The following OR2L13 variants were observed in gnomAD, a reference collection of about 807,000 sequenced individuals.
The protein encoded by OR2L13 is olfactory receptor family 2 subfamily L member 13, also known as olfactory receptor 2L13.
In OR2L13, 14 loss-of-function variants were observed where a neutral mutation model predicts 15.3. The observed-to-expected ratio is 0.91, with a 90% CI of 0.60 to 1.43. The LOEUF (loss-of-function observed/expected upper bound fraction) is 1.43. Ranked by LOEUF, OR2L13 falls within the 40% of genes most tolerant of loss-of-function variation. OR2L13 has a pLI of 0.00. For synonymous variants in OR2L13, 152 were observed against 142.9 expected (o/e 1.06, Z -0.45); for missense variants, 367 against 387.9 (o/e 0.95, Z 0.45).
chr1:247,943,931 C>T, the OR2L13 span, among the ~76,000 whole-genome samples: 3 of 152,078 alleles, frequency 2.0e-5, no homozygotes, highest in Admixed American at 6.6e-5. Flanking sequence ...CACCATTTAT[C>T]GAAAAGACTG....
the OR2L13 span, among the ~76,000 whole-genome samples, chr1:248,043,148 CCTG>C: frequency 2.6e-5 from 4 of 152,078 alleles, no homozygotes; most frequent in Non-Finnish European, 4.4e-5. Flanking sequence ...TTGCACCCGC[CCTG>C]CTGCTTTGAG....
the OR2L13 span, chr1:247,949,121 C>T: frequency 6.2e-7 from 1 of 1,613,996 alleles, no homozygotes; most frequent in Non-Finnish European, 8.5e-7. Context: ...TGCATGGAAA[C>T]AAGTCTATCT....
chr1:248,089,966 T>A, the OR2L13 span, among the ~76,000 whole-genome samples: 1 of 152,216 alleles, frequency 6.6e-6, no homozygotes, highest in Non-Finnish European at 1.5e-5. Context: ...GTCCCATTTT[T>A]TCAGGTTAAA....
At chr1:248,045,898 A>AATATGTATCACATATTGTGAC in the OR2L13 span, 1 of 152,214 alleles carries the variant, frequency 6.6e-6, no homozygotes, top group African/African-American at 2.4e-5. Context: ...TACATATCAA[A>AATATGTATCACATATTGTGAC]ATATGTATCA....
At chr1:248,020,218 C>T in the OR2L13 span, among the ~76,000 whole-genome samples, 1 of 152,124 alleles carries the variant, frequency 6.6e-6, no homozygotes, top group African/African-American at 2.4e-5. Flanking sequence ...ACTGGAAGTC[C>T]TAGCCAGAGC....
chr1:247,992,346 AGTTAT>A, the OR2L13 span, among the ~76,000 whole-genome samples: 6 of 152,164 alleles, frequency 3.9e-5, no homozygotes, highest in East Asian at 3.8e-4. Flanking sequence ...GGCTATCATT[AGTTAT>A]GTTATGGGGG....
the OR2L13 span, among the ~76,000 whole-genome samples, chr1:248,016,879 A>G: frequency 6.6e-6 from 1 of 152,078 alleles, no homozygotes; most frequent in Non-Finnish European, 1.5e-5. Flanking sequence ...CAATTTTGTC[A>G]TCTATAAAAT....
chr1:247,951,068 A>G, the OR2L13 span, among the ~76,000 whole-genome samples: 4 of 46,250 alleles, frequency 8.6e-5, no homozygotes, highest in Non-Finnish European at 6.1e-4. Flanking sequence ...CATAGTGATT[A>G]AAAATAAAAA....
At chr1:247,994,262 TG>T in the OR2L13 span, among the ~76,000 whole-genome samples, 52 of 152,180 alleles carry the variant, frequency 3.4e-4, no homozygotes, top group African/African-American at 1.3e-3. Flanking sequence ...CCGGGCGTGG[TG>T]GCGGGCGCCT....
At chr1:248,078,363 C>T in the OR2L13 span, among the ~76,000 whole-genome samples, 1 of 151,942 alleles carries the variant, frequency 6.6e-6, no homozygotes, top group Non-Finnish European at 1.5e-5. Context: ...GTCCCAGCTA[C>T]TCGGGAGGCT....
the OR2L13 span, among the ~76,000 whole-genome samples, chr1:248,046,228 TGAAAG>T: frequency 6.8e-4 from 103 of 152,252 alleles, no homozygotes; most frequent in African/African-American, 2.0e-3. Flanking sequence ...CATTTCCAAA[TGAAAG>T]GAAACAATTT....
chr1:247,954,620 C>CT, the OR2L13 span, among the ~76,000 whole-genome samples: 119,271 of 149,922 alleles, frequency 0.8, 51,521 homozygotes, highest in South Asian at 0.95. Flanking sequence ...AATGTCTTTT[C>CT]TTTTTTTTTG....
chr1:248,088,775 G>A, the OR2L13 span, among the ~76,000 whole-genome samples: 1 of 152,112 alleles, frequency 6.6e-6, no homozygotes, highest in Non-Finnish European at 1.5e-5. Context: ...ATAAATTACA[G>A]CCCAGAATCT....
chr1:248,015,105 A>C, the OR2L13 span, among the ~76,000 whole-genome samples: 1 of 152,188 alleles, frequency 6.6e-6, no homozygotes, highest in South Asian at 2.1e-4. Context: ...ACATACACAC[A>C]AGCAAATATT....
chr1:248,005,549 C>T, the OR2L13 span, among the ~76,000 whole-genome samples: 711 of 152,070 alleles, frequency 4.7e-3, 6 homozygotes, highest in African/African-American at 0.016. Context: ...TAGTTCCATA[C>T]GAATCGTAGA....
the OR2L13 span, chr1:248,061,919 TG>T: frequency 1.3e-5 from 3 of 239,600 alleles, no homozygotes; most frequent in Non-Finnish European, 2.4e-5. Context: ...TTGGTCTAAC[TG>T]AAGTTGGCAC....
the OR2L13 span, among the ~76,000 whole-genome samples, chr1:248,010,399 C>G: frequency 6.6e-6 from 1 of 152,088 alleles, no homozygotes; most frequent in African/African-American, 2.4e-5. Context: ...AATGTATATT[C>G]TGTTGATTTG....
At chr1:248,028,869 T>A in the OR2L13 span, among the ~76,000 whole-genome samples, 1 of 152,234 alleles carries the variant, frequency 6.6e-6, no homozygotes, top group South Asian at 2.1e-4. Context: ...TTACCTCCTC[T>A]TTCAGCACAT....
At chr1:247,987,734 G>T in the OR2L13 span, among the ~76,000 whole-genome samples, 1 of 151,888 alleles carries the variant, frequency 6.6e-6, no homozygotes, top group African/African-American at 2.4e-5. Flanking sequence ...ACCAGCCCTT[G>T]ACTCATGACA....
Sources: gnomAD v4.1 joint callset for allele counts (sites outside exome capture counted in the v4.1 genomes callset) on GRCh38, gnomAD v4.1.1 for gene constraint, MANE v1.5 for transcripts, NCBI Gene and HGNC (gene_info 2026-07-23, HGNC 2026-07-21) for gene names.